Variants in ATG4A observed in about 807,000 individuals in gnomAD.
The protein encoded by ATG4A is cysteine protease ATG4A.
A neutral mutation model predicts 38.4 loss-of-function variants in ATG4A; 22 were observed. The ratio of observed to expected loss-of-function variants is 0.57; its 90% CI spans 0.41 to 0.82. The LOEUF (loss-of-function observed/expected upper bound fraction) is 0.82. ATG4A is among the 40% of genes least tolerant of loss of function. ATG4A has a pLI of 0.00. For synonymous variants in ATG4A, 86 were observed against 100.7 expected (o/e 0.85, Z 0.88); for missense variants, 220 against 290.0 (o/e 0.76, Z 1.75).
intron 1 of ATG4A, among the ~76,000 whole-genome samples, chrX:108,105,430 A>G (rs1385754818): frequency 2.7e-5 from 3 of 110,430 alleles, no homozygotes; most frequent in African/African-American, 9.9e-5. Flanking sequence ...CTGGTTCTAT[A>G]TCAGTAAGCC....
At chrX:108,091,449 C>T, upstream of ATG4A, 3 of 1,212,434 alleles carry the variant, frequency 2.5e-6, no homozygotes, top group Non-Finnish European at 3.3e-6. Flanking sequence ...CCAGAATACT[C>T]TCCTTCAACT....
intron 1 of ATG4A, among the ~76,000 whole-genome samples, chrX:108,109,675 A>G (rs1183308344): frequency 1.8e-5 from 2 of 112,051 alleles, no homozygotes; most frequent in Non-Finnish European, 3.8e-5. Context: ...TAAGGGTCCA[A>G]CTTCATACTT....
upstream of ATG4A, chrX:108,091,512 C>A (rs749763253): frequency 6.6e-6 from 8 of 1,209,680 alleles, no homozygotes; most frequent in Middle Eastern, 2.3e-4. Flanking sequence ...TAGACACACA[C>A]CCCTCCATTT....
At chrX:108,091,298 C>T, upstream of ATG4A, 2 of 709,018 alleles carry the variant, frequency 2.8e-6, no homozygotes, top group Non-Finnish European at 4.4e-6. Context: ...GCGGCGGGGG[C>T]GGGGTTCTGC....
chrX:108,114,698 G>C (rs1466999532), intron 1 of ATG4A, among the ~76,000 whole-genome samples: 1 of 112,070 alleles, frequency 8.9e-6, no homozygotes, highest in East Asian at 2.8e-4. Context: ...GGTTAAAGTG[G>C]AAAGTCCCTA....
chrX:108,141,071 CATATATATATATATATATATAT>C (rs139918190), intron 9 of ATG4A, among the ~76,000 whole-genome samples: 3 of 35,066 alleles, frequency 8.6e-5, no homozygotes, highest in East Asian at 8.3e-4. Context: ...TATATATATA[CATATATATATATATATATATAT>C]ATATATATAT....
intron 9 of ATG4A, among the ~76,000 whole-genome samples, chrX:108,143,022 C>T (rs192409316): frequency 1.3e-3 from 141 of 111,884 alleles, no homozygotes; most frequent in African/African-American, 4.5e-3. Flanking sequence ...AACTATCCTT[C>T]GTACAACTGG....
At chrX:108,090,178 A>G (rs1375799723), upstream of ATG4A, among the ~76,000 whole-genome samples, 2 of 112,143 alleles carry the variant, frequency 1.8e-5, no homozygotes, top group African/African-American at 3.2e-5. Flanking sequence ...TAACTATGAG[A>G]CCATTATTAC....
At chrX:108,109,232 A>G (rs1463460845) in intron 1 of ATG4A, among the ~76,000 whole-genome samples, 1 of 111,979 alleles carries the variant, frequency 8.9e-6, no homozygotes. Context: ...TTTGATTTGC[A>G]TTTCTCTGAA....
chrX:108,095,615 A>G (rs1282945478), intron 1 of ATG4A, among the ~76,000 whole-genome samples: 2 of 108,315 alleles, frequency 1.8e-5, no homozygotes, highest in Non-Finnish European at 3.8e-5. Flanking sequence ...AAACTTTCAG[A>G]CTCTTTACAA....
At chrX:108,131,178 T>C in intron 3 of ATG4A, 82 bp from the exon 4 acceptor site, 1 of 851,012 alleles carries the variant, frequency 1.2e-6, no homozygotes, top group Admixed American at 2.3e-5. Flanking sequence ...TTACCTGTCT[T>C]GTGTGAGTCC....
rs1307543933 is a variant in ATG4A, at chrX:108,111,198, G to A, written c.11-14879G>A. Among the ~76,000 whole-genome samples the A allele has an allele frequency of 4.5e-5, 5 of 111,930 alleles. No homozygotes were observed. In the East Asian group the frequency reaches 1.4e-3, roughly 31 times the overall value. ...TTACAGGTGTGAGCCATCATGCCTG[G>A]CTCTCATTGCTATCCTTCTATATAT... On this transcript the variant is annotated intron_variant, in intron 1 of 12. Coordinates refer to ENST00000372232, the MANE Select transcript of ATG4A (RefSeq NM_052936.5).
chrX:108,134,490 A>G, intron 6 of ATG4A, 79 bp downstream of exon 6: 2 of 931,477 alleles, frequency 2.1e-6, no homozygotes, highest in Admixed American at 2.8e-5. Flanking sequence ...CCTCCCATCA[A>G]CCGAGGTATT....
intron 3 of ATG4A, among the ~76,000 whole-genome samples, chrX:108,129,818 C>T (rs2032907048): frequency 9.2e-6 from 1 of 108,869 alleles, no homozygotes; most frequent in Non-Finnish European, 1.9e-5. Flanking sequence ...GATCCGCCCA[C>T]CTCGGCCTCC....
At chrX:108,144,045 C>T (rs765042130) in intron 9 of ATG4A, among the ~76,000 whole-genome samples, 8 of 112,286 alleles carry the variant, frequency 7.1e-5, no homozygotes, top group Non-Finnish European at 1.1e-4. Context: ...AGCTCACTGC[C>T]ACACTTTCTT....
At chrX:108,092,992 G>T (rs748131356) in intron 1 of ATG4A, among the ~76,000 whole-genome samples, 1 of 111,394 alleles carries the variant, frequency 9.0e-6, no homozygotes, top group East Asian at 2.8e-4. Context: ...AAAAATTTCA[G>T]AATAGTTGTA....
At position 108,129,715 on chromosome X, in the gene ATG4A, C is replaced by T. The variant is rs188240412; in HGVS notation, c.193+863C>T. On this transcript the variant is annotated intron_variant, in intron 3 of 12. Coordinates refer to ENST00000372232, the MANE Select transcript of ATG4A (RefSeq NM_052936.5). ...CCTCCCGAGTAGCTGGGACTACAGG[C>T]GCCCGCCAACACGCCCGGCTAATTT... Among the ~76,000 whole-genome samples, 81 of 109,217 alleles carry T rather than the reference C, an allele frequency of 7.4e-4. 2 individuals are homozygous for T. In the East Asian group the frequency reaches 0.022, roughly 30 times the overall value. 94.8% of individuals were successfully genotyped at this position (109,217 alleles called of 115,157 possible).
In ATG4A at chrX:108,121,268, C is replaced by A. The variant is rs1047061939; in HGVS notation, c.11-4809C>A. On this transcript the variant is annotated intron_variant, in intron 1 of 12. Transcript: ENST00000372232. ...AGAGCCTTGGTCTTCTGGCTGTCTTCCTGCTTTCCCAGGCCCTGCTAATTA... is the reference window on the plus strand; with the variant it reads ...AGAGCCTTGGTCTTCTGGCTGTCTTACTGCTTTCCCAGGCCCTGCTAATTA... Among the ~76,000 whole-genome samples, 15 of 111,299 alleles carry A rather than the reference C, an allele frequency of 1.3e-4. No homozygotes were observed. In the South Asian group the frequency reaches 1.5e-3, roughly 11 times the overall value.
chrX:108,089,576 A>G (rs1239885267), upstream of ATG4A, among the ~76,000 whole-genome samples: 1 of 112,178 alleles, frequency 8.9e-6, no homozygotes, highest in East Asian at 2.8e-4. Context: ...GTTCACGCCT[A>G]TAATCCCAGC....
Sources: allele counts gnomAD v4.1 joint callset (sites outside exome capture counted in the v4.1 genomes callset), GRCh38; gene constraint gnomAD v4.1.1; transcripts MANE v1.5; gene names NCBI Gene and HGNC (gene_info 2026-07-23, HGNC 2026-07-21).